SEC22C: variants seen among roughly 807,000 people sequenced by gnomAD.
SEC22C encodes the protein SEC22 homolog C, vesicle trafficking protein.
Under a neutral mutation model 34.7 loss-of-function variants are expected in SEC22C, and 29 were observed. The ratio of observed to expected loss-of-function variants is 0.84; its 90% CI spans 0.62 to 1.14. SEC22C has a LOEUF of 1.14. Among genes scored for constraint, SEC22C ranks in the 50% most tolerant of loss-of-function variants. The probability of loss-of-function intolerance (pLI) is 0.00; values close to 1 mark genes in which losing one functional copy is unlikely to be tolerated. For missense variants in SEC22C, 337 were observed against 369.0 expected (o/e 0.91, Z 0.71); for synonymous variants, 117 against 132.8 (o/e 0.88, Z 0.82).
Position 42,548,748 on chromosome 3 carries a change from T to A in SEC22C, c.*4500A>T. On this transcript the variant is annotated 3_prime_UTR_variant, in exon 7 of 7. Transcript: ENST00000264454. The stretch of plus-strand genomic sequence containing the variant: ...GGTGGGAAGAAGAGGGGCTGCTACC[T>A]TTTGGAGTGAAAAAAATGAGGTTTA... The A allele has an allele frequency of 1.3e-6, 2 of 1,594,686 alleles. No individual in the cohort carries two copies. Among genetic ancestry groups the A allele is most frequent in the South Asian group, 1.1e-5 (1 of 89,886 alleles).
rs1290574303 is a variant in SEC22C at position 42,550,195 on chromosome 3, G to C, written c.*3053C>G. On this transcript the variant is annotated 3_prime_UTR_variant, in exon 7 of 7. Transcript: ENST00000264454. ...GGACTTAACACACTCTGATGCTCAA[G>C]GCCTTGCAGCATCTGATACCAGAAG... 1.0e-6 allele frequency: 1 copy of C among 985,352 alleles called. No homozygotes were observed. Among genetic ancestry groups the C allele is most frequent in the Non-Finnish European group, 1.2e-6 (1 of 829,950 alleles). 61.0% of individuals were successfully genotyped at this position (985,352 alleles called of 1,614,324 possible). A position where few individuals can be genotyped will look rare whatever the true frequency, so the allele number is the denominator to read the frequency against.
intron 1 of SEC22C, chr3:42,579,610 AAAAAAAAAAAAG>A (rs1280624928): frequency 6.6e-6 from 1 of 151,818 alleles, no homozygotes; most frequent in African/African-American, 2.4e-5. Flanking sequence ...CAAAAAACAA[AAAAAAAAAAAAG>A]AAAAGAAAAA....
rs577927979 is a variant in SEC22C at position 42,562,035 on chromosome 3, C to T, written c.347-739G>A. On this transcript the variant is annotated intron_variant, in intron 3 of 6. Transcript: ENST00000264454. ...TTTGAAAAAAAAATACAAATGAATA[C>T]GTTGTGGAAACTAGGATTATATATT... Among the ~76,000 whole-genome samples, 21 of 152,000 alleles carry T rather than the reference C, an allele frequency of 1.4e-4. 1 individual carries two copies. Among genetic ancestry groups the T allele is most frequent in the Admixed American group, 4.6e-4 (7 of 15,256 alleles).
chr3:42,571,909 T>C (rs1226473560), intron 1 of SEC22C, among the ~76,000 whole-genome samples: 1 of 152,238 alleles, frequency 6.6e-6, no homozygotes, highest in Non-Finnish European at 1.5e-5. Context: ...GGCACACACC[T>C]GTAATCCCAG....
chr3:42,581,269 T>C (rs1254568327), intron 1 of SEC22C: 1 of 152,232 alleles, frequency 6.6e-6, no homozygotes, highest in African/African-American at 2.4e-5. Context: ...CCAATTACTT[T>C]TCACACTGGC....
At chr3:42,600,472 G>GA (rs1265709259) in intron 1 of SEC22C, 1 of 152,210 alleles carries the variant, frequency 6.6e-6, no homozygotes, top group Non-Finnish European at 1.5e-5. Flanking sequence ...GACTTCAAAG[G>GA]GGGGGGCAAA....
At chr3:42,595,646 T>G (rs989942510) in intron 1 of SEC22C, among the ~76,000 whole-genome samples, 1 of 152,248 alleles carries the variant, frequency 6.6e-6, no homozygotes, top group African/African-American at 2.4e-5. Context: ...AGCTGTATTC[T>G]ATAAAAAACT....
At chr3:42,582,663 G>A (rs1009320253), upstream of SEC22C, among the ~76,000 whole-genome samples, 3 of 152,240 alleles carry the variant, frequency 2.0e-5, no homozygotes, top group African/African-American at 4.8e-5. Context: ...TCAAACACCT[G>A]TATAAATACA....
intron 1 of SEC22C, among the ~76,000 whole-genome samples, chr3:42,597,705 T>C (rs985848621): frequency 6.6e-6 from 1 of 152,176 alleles, no homozygotes; most frequent in Non-Finnish European, 1.5e-5. Flanking sequence ...TCAAGAAATA[T>C]GAGATTTTGT....
chr3:42,589,194 G>C lies in SEC22C; in HGVS notation c.-28+11766C>G, dbSNP rs750670547. The stretch of plus-strand genomic sequence containing the variant: ...TGAGGCAGGAGAATCGCTTGAACCC[G>C]GGAGGCAGAGGTTGCAGTGAGCCGA... On this transcript the variant is annotated intron_variant, in intron 1 of 6. Coordinates refer to the SEC22C transcript ENST00000417572. 2.6e-5 allele frequency among the ~76,000 whole-genome samples: 4 copies of C among 151,116 alleles called. No homozygotes were observed. In the East Asian group the frequency reaches 5.9e-4, roughly 22 times the overall value.
intron 1 of SEC22C, among the ~76,000 whole-genome samples, chr3:42,598,179 T>A (rs1317473447): frequency 1.3e-5 from 2 of 152,132 alleles, no homozygotes. Flanking sequence ...AATCTAAATA[T>A]CCACTGACAT....
intron 1 of SEC22C, among the ~76,000 whole-genome samples, chr3:42,577,624 T>C (rs541706992): frequency 2.0e-5 from 3 of 152,302 alleles, no homozygotes; most frequent in Admixed American, 6.5e-5. Context: ...CTGGCAAGCA[T>C]GGAGACAAAC....
intron 1 of SEC22C, among the ~76,000 whole-genome samples, chr3:42,579,887 T>C (rs1704207225): frequency 6.6e-6 from 1 of 152,234 alleles, no homozygotes; most frequent in Non-Finnish European, 1.5e-5. Flanking sequence ...CTTGCCATAG[T>C]TCTGATCTAC....
At chr3:42,593,676 G>A (rs1704936501) in intron 1 of SEC22C, among the ~76,000 whole-genome samples, 2 of 152,116 alleles carry the variant, frequency 1.3e-5, no homozygotes, top group African/African-American at 2.4e-5. Flanking sequence ...TGACATTCTA[G>A]ACTCTAGAAT....
chr3:42,552,461 T>C lies in SEC22C; in HGVS notation c.*787A>G. On this transcript the variant is annotated 3_prime_UTR_variant, in exon 7 of 7. Transcript: ENST00000264454. The stretch of plus-strand genomic sequence containing the variant: ...ATTGTAAGTAATCCTGAAATTCTCA[T>C]TTCTGCTCATGCTGACAAACTTATC... 1 of 985,136 alleles carries C rather than the reference T, an allele frequency of 1.0e-6. No homozygotes were observed. Among genetic ancestry groups the C allele is most frequent in the Non-Finnish European group, 1.2e-6 (1 of 829,634 alleles). 61.0% of individuals were successfully genotyped at this position (985,136 alleles called of 1,614,324 possible).
chr3:42,591,134 G>T lies in SEC22C; in HGVS notation c.-28+9826C>A. ...GCACGAAATCAGCACAGGCGCCGGG[G>T]CAGGACCCCGGCATGGGGTTCGGTC... On this transcript the variant is annotated intron_variant, in intron 1 of 6. Coordinates refer to the SEC22C transcript ENST00000417572. 4.2e-6 allele frequency: 3 copies of T among 711,366 alleles called. No individual in the cohort carries two copies. The East Asian group carries it at 8.1e-5, about 19-fold the overall frequency. 44.1% of individuals were successfully genotyped at this position (711,366 alleles called of 1,614,324 possible).
At chr3:42,579,824 A>G (rs942070693) in intron 1 of SEC22C, among the ~76,000 whole-genome samples, 3 of 152,156 alleles carry the variant, frequency 2.0e-5, no homozygotes, top group African/African-American at 2.4e-5. Context: ...TGAATGACCT[A>G]AGGGCTGCCT....
At chr3:42,592,799 G>T (rs965195481) in intron 1 of SEC22C, among the ~76,000 whole-genome samples, 19 of 152,106 alleles carry the variant, frequency 1.2e-4, no homozygotes, top group South Asian at 1.2e-3. Flanking sequence ...TCCTAGTGGG[G>T]TTTTTCAATT....
At chr3:42,564,900 G>A (rs1009120787) in intron 2 of SEC22C, among the ~76,000 whole-genome samples, 1 of 152,158 alleles carries the variant, frequency 6.6e-6, no homozygotes, top group Admixed American at 6.5e-5. Context: ...TGGGACTACA[G>A]GCGTGTGCCA....
Sources: allele counts gnomAD v4.1 joint callset (sites outside exome capture counted in the v4.1 genomes callset), GRCh38; gene constraint gnomAD v4.1.1; transcripts MANE v1.5; gene names NCBI Gene and HGNC (gene_info 2026-07-23, HGNC 2026-07-21).